KIF20B: variants seen among roughly 807,000 people sequenced by gnomAD.
The protein encoded by KIF20B is kinesin-like protein KIF20B.
A neutral mutation model predicts 232.5 loss-of-function variants in KIF20B; 188 were observed. The observed-to-expected ratio is 0.81, with a 90% confidence interval of 0.72 to 0.91. KIF20B has a LOEUF of 0.91. KIF20B is among the 40% of genes least tolerant of loss of function. The pLI, the probability that KIF20B is intolerant of heterozygous loss-of-function variation, is 0.00. For missense variants in KIF20B, 2,154 were observed against 2,055.9 expected (o/e 1.05, Z -0.92); for synonymous variants, 712 against 683.0 (o/e 1.04, Z -0.66).
intron 22 of KIF20B, among the ~76,000 whole-genome samples, chr10:89,744,312 A>T (rs10881650): frequency 0.31 from 47,234 of 151,678 alleles, 8,279 homozygotes; most frequent in African/African-American, 0.47. Context: ...ATAACCTCAG[A>T]CTCTTCACGA....
At chr10:89,762,935 A>G in intron 29 of KIF20B, 100 bp downstream of exon 29, 1 of 830,526 alleles carries the variant, frequency 1.2e-6, no homozygotes, top group Non-Finnish European at 1.9e-6. Flanking sequence ...GTTCATAGGC[A>G]CTGCTGTTAG....
Position 89,723,994 on chromosome 10 carries a change from A to G in KIF20B, c.1753A>G (p.Lys585Glu). Residue 585 changes from lysine (K) to glutamate (E), a missense_variant, in exon 14 of 33, where the codon AAA (lysine) becomes GAA (glutamate). Coordinates refer to ENST00000371728, the MANE Select transcript of KIF20B (RefSeq NM_001284259.2). ...GTTGGACTTAATAGAAGACTTGAAA[A>G]AAAAACTGATAAATGAAAAAAAGGA... is the stretch of plus-strand genomic sequence containing the variant. Reference protein sequence around the residue: ...KLLDLIEDLKKKLINEKKEKL... With the variant: ...KLLDLIEDLKEKLINEKKEKL... 6.3e-7 allele frequency: 1 copy of G among 1,576,566 alleles called. No individual in the cohort carries two copies. Among genetic ancestry groups the G allele is most frequent in the Non-Finnish European group, 8.6e-7 (1 of 1,167,638 alleles).
intron 2 of KIF20B, 66 bp downstream of exon 2, chr10:89,705,507 TG>T: frequency 6.8e-7 from 1 of 1,466,290 alleles, no homozygotes; most frequent in Non-Finnish European, 9.3e-7. Flanking sequence ...TGGCAAACAA[TG>T]GCCTGTTTTT....
At chr10:89,744,769 G>T (rs10881652) in intron 22 of KIF20B, among the ~76,000 whole-genome samples, 51,982 of 151,882 alleles carry the variant, frequency 0.34, 10,106 homozygotes, top group East Asian at 0.57. Flanking sequence ...CTAATGAATA[G>T]TCAGGTATAA....
At chr10:89,729,721 C>T (rs1358492260) in intron 18 of KIF20B, among the ~76,000 whole-genome samples, 1 of 152,100 alleles carries the variant, frequency 6.6e-6, no homozygotes, top group Non-Finnish European at 1.5e-5. Flanking sequence ...AAAAGTTATA[C>T]ACTGTGACAT....
rs1369262150 is a variant in KIF20B at position 89,774,129 on chromosome 10, T to C, written c.*81T>C. Reference sequence around the variant, plus strand: ...ATCCTGTATTGTAAATATAAATGTATATATTATGCATTAAATCACTCTGCA... The same window carrying C: ...ATCCTGTATTGTAAATATAAATGTACATATTATGCATTAAATCACTCTGCA... On this transcript the variant is annotated 3_prime_UTR_variant, in exon 33 of 33. Coordinates refer to ENST00000371728, the MANE Select transcript of KIF20B (RefSeq NM_001284259.2). The C allele has an allele frequency of 7.6e-6, 6 of 794,554 alleles. No individual in the cohort carries two copies. The highest frequency in any genetic ancestry group is 2.5e-5 in the Admixed American group (1 of 39,682). 49.2% of individuals were successfully genotyped at this position (794,554 alleles called of 1,614,324 possible).
intron 18 of KIF20B, among the ~76,000 whole-genome samples, chr10:89,730,590 A>G (rs1843297311): frequency 2.0e-5 from 3 of 152,160 alleles, no homozygotes; most frequent in African/African-American, 7.2e-5. Flanking sequence ...GTCAGGAGAG[A>G]CAAGAAGGTA....
intron 25 of KIF20B, 148 bp downstream of exon 25, chr10:89,752,839 T>C: frequency 4.0e-6 from 2 of 505,130 alleles, no homozygotes; most frequent in Non-Finnish European, 3.1e-6. Context: ...AATATAACTT[T>C]TCAGTGCACA....
chr10:89,758,937 GACTA>G (rs1842185645), intron 27 of KIF20B, 55 bp downstream of exon 27: 1 of 1,100,628 alleles, frequency 9.1e-7, no homozygotes, highest in African/African-American at 1.6e-5. Flanking sequence ...TTACTTAATT[GACTA>G]ACTCTTAAAG....
At chr10:89,703,473 G>A (rs569875689) in intron 1 of KIF20B, among the ~76,000 whole-genome samples, 1 of 152,270 alleles carries the variant, frequency 6.6e-6, no homozygotes, top group East Asian at 1.9e-4. Context: ...AAGAGGGCAA[G>A]GGGAATGGGG....
rs182002977 is a variant in KIF20B at position 89,713,310 on chromosome 10, G to A, written c.676-737G>A. On this transcript the variant is annotated intron_variant, in intron 6 of 32. Coordinates refer to ENST00000371728, the MANE Select transcript of KIF20B (RefSeq NM_001284259.2). ...CGGGAGGTGGAGGTTACAGTGAGCCGAGATTGCGCCACTACATTCCAGCCT... is the reference window on the plus strand; with the variant it reads ...CGGGAGGTGGAGGTTACAGTGAGCCAAGATTGCGCCACTACATTCCAGCCT... Among the ~76,000 whole-genome samples, 4 of 148,082 alleles carry A rather than the reference G, an allele frequency of 2.7e-5. No homozygotes were observed. The East Asian group carries it at 6.0e-4, about 22-fold the overall frequency.
intron 26 of KIF20B, among the ~76,000 whole-genome samples, chr10:89,755,390 CCTTG>C (rs1842098581): frequency 6.7e-6 from 1 of 150,078 alleles, no homozygotes; most frequent in Admixed American, 6.6e-5. Context: ...TTCCTTCCTT[CCTTG>C]CTCCCTCCCT....
intron 1 of KIF20B, among the ~76,000 whole-genome samples, chr10:89,702,629 C>G (rs1842634986): frequency 6.6e-6 from 1 of 152,124 alleles, no homozygotes; most frequent in African/African-American, 2.4e-5. Flanking sequence ...ACCAAAGTCT[C>G]CAATTGTGGA....
At chr10:89,710,806 C>CA (rs1294804522) in intron 5 of KIF20B, among the ~76,000 whole-genome samples, 155 bp from the exon 6 acceptor site, 1 of 152,142 alleles carries the variant, frequency 6.6e-6, no homozygotes, top group Non-Finnish European at 1.5e-5. Flanking sequence ...CTGTGAATAA[C>CA]AAAGTGATGG....
chr10:89,745,669 A>G (rs1244732118), intron 22 of KIF20B, among the ~76,000 whole-genome samples: 1 of 151,776 alleles, frequency 6.6e-6, no homozygotes, highest in African/African-American at 2.4e-5. Flanking sequence ...ATCTTGGCTC[A>G]CTGCAATCTT....
intron 2 of KIF20B, among the ~76,000 whole-genome samples, chr10:89,708,462 C>T (rs909711783): frequency 3.3e-5 from 5 of 152,156 alleles, no homozygotes; most frequent in Non-Finnish European, 5.9e-5. Flanking sequence ...CCACCCGCCT[C>T]GGCCTCCCAA....
intron 16 of KIF20B, among the ~76,000 whole-genome samples, chr10:89,726,841 C>G (rs1004729499): frequency 7.2e-6 from 1 of 139,224 alleles, no homozygotes; most frequent in South Asian, 2.5e-4. Context: ...GCGTCTCGCT[C>G]TGTCACCAAG....
At chr10:89,752,273 T>A (rs572616655) in intron 24 of KIF20B, among the ~76,000 whole-genome samples, 2 of 152,198 alleles carry the variant, frequency 1.3e-5, no homozygotes, top group African/African-American at 4.8e-5. Context: ...CATAGAAAAC[T>A]TTTTTCTTGA....
chr10:89,772,117 T>A (rs1842475068), intron 31 of KIF20B, among the ~76,000 whole-genome samples: 1 of 152,036 alleles, frequency 6.6e-6, no homozygotes, highest in Non-Finnish European at 1.5e-5. Context: ...CATGGAAATA[T>A]GTTTTCTATT....
Sources: allele counts gnomAD v4.1 joint callset (sites outside exome capture counted in the v4.1 genomes callset), GRCh38; gene constraint gnomAD v4.1.1; transcripts MANE v1.5; gene names NCBI Gene and HGNC (gene_info 2026-07-23, HGNC 2026-07-21).